The following ESPNL variants were observed in gnomAD, a reference collection of about 807,000 sequenced individuals.
ESPNL encodes the protein espin-like protein.
Under a neutral mutation model 46.8 loss-of-function variants are expected in ESPNL, and 49 were observed. The ratio of observed to expected loss-of-function variants is 1.05; its 90% CI spans 0.83 to 1.33. The LOEUF (loss-of-function observed/expected upper bound fraction) is 1.33. Ranked by LOEUF, ESPNL falls within the 40% of genes most tolerant of loss-of-function variation. The pLI, the probability that ESPNL is intolerant of heterozygous loss-of-function variation, is 0.00. For missense variants in ESPNL, 1,540 were observed against 1,436.6 expected, an observed-to-expected ratio of 1.07 and a Z score of -1.16; for synonymous variants, 664 against 662.1, an observed-to-expected ratio of 1.00 and a Z score of -0.04.
intron 5 of ESPNL, among the ~76,000 whole-genome samples, chr2:238,121,543 G>A (rs1471314640): frequency 6.6e-6 from 1 of 152,216 alleles, no homozygotes; most frequent in Non-Finnish European, 1.5e-5. Flanking sequence ...GACTACAGGT[G>A]TGCGCCACCA....
At chr2:238,125,767 T>TTGGAGTGCAG (rs1553573704) in intron 6 of ESPNL, among the ~76,000 whole-genome samples, 18 of 146,276 alleles carry the variant, frequency 1.2e-4, no homozygotes, top group African/African-American at 4.6e-4. Context: ...TGTGACCAGC[T>TTGGAGTGCAG]TGGAGTGGAG....
chr2:238,111,953 G>C (rs1331819032), intron 4 of ESPNL, among the ~76,000 whole-genome samples: 1 of 152,066 alleles, frequency 6.6e-6, no homozygotes, highest in Non-Finnish European at 1.5e-5. Context: ...TTATATTCTT[G>C]AGTAAAATTG....
In ESPNL at chr2:238,130,542, G is replaced by C. The variant is rs73102303; in HGVS notation, c.1828G>C (p.Val610Leu). 1.3e-6 allele frequency: 2 copies of C among 1,590,376 alleles called. No homozygotes were observed. Among genetic ancestry groups the C allele is most frequent in the Admixed American group, 3.6e-5 (2 of 56,260 alleles). The stretch of plus-strand genomic sequence containing the variant: ...CAGCCTGTCCCTGCTGCTGAAGGGC[G>C]TGCATGGGCTAGTACAGGGGGATGA... ...VRSLSLLLKG[V>L]HGLVQGDEKP... The change falls in exon 9 of 9, where the codon GTG (valine) becomes CTG (leucine). Residue 610 changes from valine (V) to leucine (L), a missense_variant. Physicochemically the swap from Val to Leu is conservative, Grantham distance 32. Transcript: ENST00000343063.
At chr2:238,115,818 G>A (rs942106562) in intron 4 of ESPNL, among the ~76,000 whole-genome samples, 12 of 152,160 alleles carry the variant, frequency 7.9e-5, no homozygotes, top group African/African-American at 2.4e-4. Context: ...GATTAGAGGC[G>A]CCCGCCACCA....
At chr2:238,102,246 G>A in intron 2 of ESPNL, 115 bp downstream of exon 2, 3 of 920,036 alleles carry the variant, frequency 3.3e-6, no homozygotes, top group Non-Finnish European at 4.8e-6. Flanking sequence ...GAATCCTGCA[G>A]GCGGGCATGC....
rs778097852 is a variant in ESPNL at position 238,125,305 on chromosome 2, C to T, written c.1023C>T (p.Phe341=). The T allele has an allele frequency of 1.8e-5, 28 of 1,559,150 alleles. No homozygotes were observed. In the East Asian group the frequency reaches 6.7e-4, roughly 38 times the overall value. The change falls in exon 6 of 9, where the codon TTC becomes TTT. Residue 341 remains phenylalanine (F), a synonymous_variant. Coordinates refer to ENST00000343063, the MANE Select transcript of ESPNL (RefSeq NM_194312.4). ...TGATGACGCCCCCACCACCACCGTTCCCCCCACCTCCACTGTTGGCCACGA... is the reference window on the plus strand; with the variant it reads ...TGATGACGCCCCCACCACCACCGTTTCCCCCACCTCCACTGTTGGCCACGA... The part of the protein sequence containing the change: ...PLLMTPPPPP[F]PPPPLLATRR...
intron 6 of ESPNL, among the ~76,000 whole-genome samples, chr2:238,126,026 CTG>C (rs950943282): frequency 2.9e-5 from 4 of 136,860 alleles, no homozygotes; most frequent in Non-Finnish European, 6.3e-5. Flanking sequence ...GTGTCTGTGT[CTG>C]TGTGTCTGTG....
chr2:238,117,068 A>AT, intron 5 of ESPNL, 34 bp downstream of exon 5: 7 of 1,585,938 alleles, frequency 4.4e-6, no homozygotes, highest in East Asian at 2.3e-5. Flanking sequence ...CCCTGGAGGC[A>AT]TGGGGGGTGG....
At chr2:238,120,868 C>T (rs1559264535) in intron 5 of ESPNL, among the ~76,000 whole-genome samples, 3 of 152,352 alleles carry the variant, frequency 2.0e-5, no homozygotes, top group Admixed American at 6.5e-5. Flanking sequence ...TCACACTGGC[C>T]GCCTCCGAGC....
At chr2:238,107,653 T>C (rs1691625768) in intron 3 of ESPNL, 138 bp from the exon 4 acceptor site, 6 of 869,740 alleles carry the variant, frequency 6.9e-6, no homozygotes, top group African/African-American at 1.7e-5. Flanking sequence ...GCCAGCCCTG[T>C]CCGGGGTTTC....
intron 1 of ESPNL, among the ~76,000 whole-genome samples, chr2:238,101,280 G>A (rs775783652): frequency 3.3e-5 from 5 of 152,128 alleles, no homozygotes; most frequent in East Asian, 1.9e-4. Flanking sequence ...TTAGAACGCC[G>A]CCGCCCAGAG....
intron 5 of ESPNL, among the ~76,000 whole-genome samples, chr2:238,119,435 G>A (rs1179604477): frequency 1.4e-4 from 19 of 135,406 alleles, no homozygotes; most frequent in South Asian, 2.4e-4. Context: ...GATGGAGGAG[G>A]GGAGGTGGAG....
Position 238,116,780 on chromosome 2 carries a change from C to T in ESPNL, c.856-123C>T, listed in dbSNP as rs1029004267. 11 of 1,296,530 alleles carry T rather than the reference C, an allele frequency of 8.5e-6. No individual in the cohort carries two copies. The East Asian group carries it at 1.7e-4, about 20-fold the overall frequency. 80.3% of individuals were successfully genotyped at this position (1,296,530 alleles called of 1,614,324 possible). ...CCACGGCCCAGATTCAAGTCCTGCC[C>T]CTGCTGGGAAGGGCATCAGGGCAGC... On this transcript the variant is annotated intron_variant, in intron 4 of 8. Coordinates refer to ENST00000343063, the MANE Select transcript of ESPNL (RefSeq NM_194312.4).
At chr2:238,106,318 C>T (rs559066965) in intron 3 of ESPNL, among the ~76,000 whole-genome samples, 13 of 152,288 alleles carry the variant, frequency 8.5e-5, no homozygotes, top group East Asian at 3.9e-4. Flanking sequence ...GCCCTTGGGA[C>T]GGGTCCCGCC....
intron 6 of ESPNL, among the ~76,000 whole-genome samples, chr2:238,126,322 GTGTC>G (rs1409961944): frequency 6.7e-6 from 1 of 150,224 alleles, no homozygotes; most frequent in Non-Finnish European, 1.5e-5. Flanking sequence ...GTGTGTGATT[GTGTC>G]TGTGTGTCTG....
At position 238,125,373 on chromosome 2, in the gene ESPNL, G is replaced by A. The variant is rs773869113; in HGVS notation, c.1091G>A (p.Gly364Glu). The change falls in exon 6 of 9, where the codon GGG (glycine) becomes GAG (glutamate). Residue 364 changes from glycine to glutamate, a missense_variant. Coordinates refer to ENST00000343063, the MANE Select transcript of ESPNL (RefSeq NM_194312.4). ...GGAAGAAGAGGAGGCCCAGGGCCAG[G>A]GAACCCCAGCCGTGAGTGCACAGCC... The part of the protein sequence containing the change: ...EDGRRGGPGP[G>E]NPSPMSLSPA... The A allele has an allele frequency of 6.4e-7, 1 of 1,555,946 alleles. No individual in the cohort carries two copies. Among genetic ancestry groups the A allele is most frequent in the African/African-American group, 1.4e-5 (1 of 73,422 alleles).
chr2:238,106,649 A>T (rs932920759), intron 3 of ESPNL, among the ~76,000 whole-genome samples: 138 of 152,210 alleles, frequency 9.1e-4, no homozygotes, highest in Non-Finnish European at 8.8e-5. Flanking sequence ...CAGCCTCCCA[A>T]ACTATGCCTG....
chr2:238,113,868 C>T (rs904806326), intron 4 of ESPNL, among the ~76,000 whole-genome samples: 8 of 152,192 alleles, frequency 5.3e-5, no homozygotes, highest in East Asian at 1.9e-4. Context: ...ACTGTTCTTC[C>T]GTCGTCAGCC....
intron 5 of ESPNL, among the ~76,000 whole-genome samples, chr2:238,122,791 C>CG (rs1692016458): frequency 6.6e-6 from 1 of 152,178 alleles, no homozygotes; most frequent in Admixed American, 6.5e-5. Context: ...GGGGACAGTG[C>CG]GGGGGCATTG....
Sources: allele counts gnomAD v4.1 joint callset (sites outside exome capture counted in the v4.1 genomes callset), GRCh38; gene constraint gnomAD v4.1.1; transcripts MANE v1.5; gene names NCBI Gene and HGNC (gene_info 2026-07-23, HGNC 2026-07-21).